ATF6: variants seen among roughly 807,000 people sequenced by gnomAD.
The protein encoded by ATF6 is cyclic AMP-dependent transcription factor ATF-6 alpha.
In ATF6, 53 loss-of-function variants were observed where a neutral mutation model predicts 83.6. The ratio of observed to expected loss-of-function variants is 0.63; its 90% CI spans 0.51 to 0.80. The LOEUF (loss-of-function observed/expected upper bound fraction) is 0.80, where lower values mean the gene tolerates loss of function less well. Ranked by LOEUF, ATF6 falls within the 30% of genes least tolerant of loss-of-function variation. The probability of loss-of-function intolerance (pLI) is 0.00; values close to 1 mark genes in which losing one functional copy is unlikely to be tolerated. For missense variants in ATF6, 744 were observed against 797.9 expected (o/e 0.93, Z 0.81); for synonymous variants, 288 against 285.8 (o/e 1.01, Z -0.08).
chr1:161,899,054 C>T (rs754267062), intron 14 of ATF6, among the ~76,000 whole-genome samples: 13 of 152,076 alleles, frequency 8.5e-5, no homozygotes, highest in Non-Finnish European at 1.6e-4. Flanking sequence ...TTTGTTACAA[C>T]AGAGGATATA....
chr1:161,817,169 A>G (rs1685632436), intron 7 of ATF6, among the ~76,000 whole-genome samples: 1 of 152,172 alleles, frequency 6.6e-6, no homozygotes. Flanking sequence ...AGGTGCTTTT[A>G]TTGTTTATAG....
chr1:161,792,525 A>C (rs566246845), intron 6 of ATF6, among the ~76,000 whole-genome samples, 198 bp downstream of exon 6: 2 of 152,248 alleles, frequency 1.3e-5, no homozygotes, highest in South Asian at 4.1e-4. Context: ...CAGACCAGTT[A>C]CATCTGATGG....
intron 6 of ATF6, among the ~76,000 whole-genome samples, chr1:161,801,359 C>CTTTTTTTTTTTTTTTTTTTTTTGTTTTT (rs1685141225): frequency 1.0e-5 from 1 of 95,288 alleles, no homozygotes; most frequent in East Asian, 3.0e-4. Flanking sequence ...TATTTGTAGT[C>CTTTTTTTTTTTTTTTTTTTTTTGTTTTT]TTTTTTTTTT....
chr1:161,949,220 C>T (rs1688817258), intron 15 of ATF6, among the ~76,000 whole-genome samples: 1 of 152,204 alleles, frequency 6.6e-6, no homozygotes, highest in African/African-American at 2.4e-5. Context: ...ACAACCAAGG[C>T]CTCATTCATT....
chr1:161,788,806 TTATAATC>T (rs1399691337), intron 4 of ATF6, among the ~76,000 whole-genome samples: 1 of 152,094 alleles, frequency 6.6e-6, no homozygotes, highest in African/African-American at 2.4e-5. Context: ...TGTATTGTCT[TTATAATC>T]ACTTGTAATC....
rs1685611838 is a variant in ATF6, at chr1:161,816,314, T to G, written c.910-3319T>G. Among the ~76,000 whole-genome samples the G allele has an allele frequency of 2.6e-5, 4 of 152,318 alleles. No individual in the cohort carries two copies. In the South Asian group the frequency reaches 8.3e-4, roughly 32 times the overall value. The stretch of plus-strand genomic sequence containing the variant: ...TAAGAGAGATGTGTCAATTGGCTAA[T>G]GGGTCAGAGTATTGATTTTATGTTT... On this transcript the variant is annotated intron_variant, in intron 7 of 15. Coordinates refer to ENST00000367942, the MANE Select transcript of ATF6 (RefSeq NM_007348.4).
At chr1:161,858,946 A>G (rs1686821959) in intron 12 of ATF6, among the ~76,000 whole-genome samples, 1 of 152,184 alleles carries the variant, frequency 6.6e-6, no homozygotes, top group Admixed American at 6.5e-5. Flanking sequence ...CTCATTTCAT[A>G]TGGGCCAAAG....
chr1:161,887,196 C>T (rs923040199), intron 14 of ATF6, among the ~76,000 whole-genome samples: 11 of 151,782 alleles, frequency 7.2e-5, no homozygotes, highest in African/African-American at 2.4e-4. Flanking sequence ...CTAAGCCTCC[C>T]GAGTGGCTGG....
chr1:161,853,373 C>A, intron 12 of ATF6, 50 bp downstream of exon 12: 2 of 1,413,238 alleles, frequency 1.4e-6, no homozygotes, highest in Non-Finnish European at 2.0e-6. Flanking sequence ...TGTTGGAAGG[C>A]TTCTCCCAGC....
intron 7 of ATF6, among the ~76,000 whole-genome samples, chr1:161,810,989 T>A (rs1685441070): frequency 6.6e-6 from 1 of 152,226 alleles, no homozygotes; most frequent in Non-Finnish European, 1.5e-5. Context: ...TATACCACAT[T>A]TTTGATAATC....
intron 15 of ATF6, among the ~76,000 whole-genome samples, chr1:161,953,979 A>C (rs1357319732): frequency 6.6e-6 from 1 of 152,208 alleles, no homozygotes; most frequent in Non-Finnish European, 1.5e-5. Context: ...GTTTATAAGA[A>C]GAAGTGGGCC....
chr1:161,845,233 C>T (rs901289870), intron 9 of ATF6, among the ~76,000 whole-genome samples: 7 of 152,188 alleles, frequency 4.6e-5, no homozygotes, highest in Non-Finnish European at 8.8e-5. Flanking sequence ...ACTATTATCT[C>T]AAAGAACCGC....
intron 14 of ATF6, among the ~76,000 whole-genome samples, chr1:161,866,018 G>A (rs762369235): frequency 1.2e-4 from 18 of 152,066 alleles, no homozygotes; most frequent in Admixed American, 2.6e-4. Context: ...CATTAAAAAG[G>A]TGAGTGGCAT....
intron 14 of ATF6, among the ~76,000 whole-genome samples, chr1:161,865,503 G>A (rs1686977852): frequency 6.6e-6 from 1 of 152,128 alleles, no homozygotes; most frequent in African/African-American, 2.4e-5. Context: ...GACAGTGAAT[G>A]GCGGTTTAAA....
At chr1:161,803,277 A>G (rs142472617) in intron 7 of ATF6, among the ~76,000 whole-genome samples, 2 of 152,336 alleles carry the variant, frequency 1.3e-5, no homozygotes, top group East Asian at 3.9e-4. Flanking sequence ...CTCAGCCAGC[A>G]ATATTGTAAA....
At chr1:161,935,170 G>A (rs1299427493) in intron 15 of ATF6, among the ~76,000 whole-genome samples, 3 of 152,118 alleles carry the variant, frequency 2.0e-5, no homozygotes, top group African/African-American at 7.2e-5. Context: ...AATATCCAGG[G>A]AATGCAGAGA....
At chr1:161,818,493 G>T (rs1281226365) in intron 7 of ATF6, among the ~76,000 whole-genome samples, 1 of 152,176 alleles carries the variant, frequency 6.6e-6, no homozygotes, top group Non-Finnish European at 1.5e-5. Context: ...AAGAGAGAGA[G>T]AGTTAACATT....
rs539129492 is a variant in ATF6, at chr1:161,795,468, C to T, written c.688+3141C>T. ...GATATCTCCATTTTTTAGATGAGAA[C>T]GCTAAGTACAGATTATTTGCCCTAA... is the stretch of plus-strand genomic sequence containing the variant. On this transcript the variant is annotated intron_variant, in intron 6 of 15. Transcript: ENST00000367942. Among the ~76,000 whole-genome samples, 10 of 152,218 alleles carry T rather than the reference C, an allele frequency of 6.6e-5. No homozygotes were observed. The South Asian group carries it at 8.3e-4, about 13-fold the overall frequency.
chr1:161,780,467 G>A (rs1476309139), intron 2 of ATF6, among the ~76,000 whole-genome samples: 3 of 151,554 alleles, frequency 2.0e-5, no homozygotes, highest in East Asian at 1.9e-4. Flanking sequence ...TCCACCTCCC[G>A]GGTTCACACC....
Sources: allele counts gnomAD v4.1 joint callset (sites outside exome capture counted in the v4.1 genomes callset), GRCh38; gene constraint gnomAD v4.1.1; transcripts MANE v1.5; gene names NCBI Gene and HGNC (gene_info 2026-07-23, HGNC 2026-07-21).